Variants in C14orf39 observed in about 807,000 individuals in gnomAD.
C14orf39 encodes protein SIX6OS1.
Under a neutral mutation model 85.6 loss-of-function variants are expected in C14orf39, and 66 were observed. That is an observed-to-expected ratio of 0.77 (90% CI 0.63 to 0.95). C14orf39 has a LOEUF of 0.95. Among genes scored for constraint, C14orf39 ranks in the 40% least tolerant of loss-of-function variants. The pLI is 0.00. For missense variants in C14orf39, 735 were observed against 663.9 expected (o/e 1.11, Z -1.18); for synonymous variants, 242 against 214.0 (o/e 1.13, Z -1.14).
At chr14:60,471,121 T>C (rs1161542668) in intron 7 of C14orf39, among the ~76,000 whole-genome samples, 3 of 151,872 alleles carry the variant, frequency 2.0e-5, no homozygotes, top group Non-Finnish European at 4.4e-5. Context: ...GCAATTTAAC[T>C]GGAATTTTCT....
intron 2 of C14orf39, among the ~76,000 whole-genome samples, chr14:60,497,067 T>C (rs1357491871): frequency 2.0e-5 from 3 of 152,232 alleles, no homozygotes; most frequent in African/African-American, 7.2e-5. Context: ...ATCTTCATAT[T>C]ATACTAACTC....
At chr14:60,445,733 C>A (rs1479106486) in intron 16 of C14orf39, among the ~76,000 whole-genome samples, 2 of 152,214 alleles carry the variant, frequency 1.3e-5, no homozygotes, top group Admixed American at 6.5e-5. Flanking sequence ...CTACAGTACT[C>A]TCCAACCCAA....
At chr14:60,494,551 T>C (rs1893039024) in intron 2 of C14orf39, 1 of 152,290 alleles carries the variant, frequency 6.6e-6, no homozygotes, top group South Asian at 2.1e-4. Flanking sequence ...TGTATAAATA[T>C]TAACGGGAGA....
At chr14:60,507,156 C>T (rs1269340413) in intron 1 of C14orf39, among the ~76,000 whole-genome samples, 1 of 152,142 alleles carries the variant, frequency 6.6e-6, no homozygotes, top group African/African-American at 2.4e-5. Flanking sequence ...CAAGCAATTT[C>T]GCGAGCAATA....
chr14:60,505,988 C>T (rs1450316998), intron 1 of C14orf39, among the ~76,000 whole-genome samples: 1 of 152,204 alleles, frequency 6.6e-6, no homozygotes, highest in Non-Finnish European at 1.5e-5. Flanking sequence ...TCCCTGGGGG[C>T]ACTTTGCCTA....
chr14:60,497,286 C>G (rs1251941439), intron 2 of C14orf39, among the ~76,000 whole-genome samples: 1 of 152,172 alleles, frequency 6.6e-6, no homozygotes, highest in Non-Finnish European at 1.5e-5. Flanking sequence ...TGCACTTATC[C>G]TTCATAGCAA....
chr14:60,482,879 GGTGTGTGTGTGTGT>G (rs60206941), intron 4 of C14orf39, among the ~76,000 whole-genome samples: 1 of 146,640 alleles, frequency 6.8e-6, no homozygotes, highest in South Asian at 2.2e-4. Flanking sequence ...TATATAGACA[GGTGTGTGTGTGTGT>G]GTGTGTGTGT....
intron 4 of C14orf39, among the ~76,000 whole-genome samples, chr14:60,480,395 T>A (rs762844229): frequency 1.3e-5 from 2 of 152,014 alleles, no homozygotes; most frequent in Non-Finnish European, 2.9e-5. Context: ...GCCATTGCAC[T>A]CCAGCCTGGG....
chr14:60,489,817 ACAT>A (rs1169645336), upstream of C14orf39, among the ~76,000 whole-genome samples: 1 of 152,226 alleles, frequency 6.6e-6, no homozygotes, highest in Non-Finnish European at 1.5e-5. Flanking sequence ...TTATGAGTCA[ACAT>A]CATATTTCTC....
chr14:60,505,438 G>A (rs558364350), intron 1 of C14orf39, among the ~76,000 whole-genome samples: 4 of 152,078 alleles, frequency 2.6e-5, no homozygotes, highest in Non-Finnish European at 4.4e-5. Context: ...TTTCAAACTC[G>A]GAAAAATGCC....
At chr14:60,509,055 C>G (rs914860925) in intron 1 of C14orf39, 5 of 377,720 alleles carry the variant, frequency 1.3e-5, no homozygotes, top group Middle Eastern at 7.9e-4. Flanking sequence ...TGAAATAGTC[C>G]TGGCGTGCTG....
At chr14:60,437,103 A>G in intron 17 of C14orf39, 56 bp from the exon 18 acceptor site, 3 of 1,183,104 alleles carry the variant, frequency 2.5e-6, no homozygotes, top group Non-Finnish European at 3.6e-6. Context: ...AAATTTTTAT[A>G]ACCTACTGAA....
chr14:60,501,277 T>C (rs1433423836), intron 1 of C14orf39, among the ~76,000 whole-genome samples: 1 of 126,628 alleles, frequency 7.9e-6, no homozygotes, highest in African/African-American at 3.0e-5. Context: ...CTGCACTCCA[T>C]CCTGGGCAAC....
chr14:60,475,061 A>T (rs1892304057), intron 5 of C14orf39, among the ~76,000 whole-genome samples: 1 of 152,110 alleles, frequency 6.6e-6, no homozygotes, highest in African/African-American at 2.4e-5. Context: ...ACTATTAATT[A>T]TTTCCTCAAT....
intron 1 of C14orf39, among the ~76,000 whole-genome samples, chr14:60,513,032 C>G (rs56347340): frequency 6.6e-6 from 1 of 152,280 alleles, no homozygotes; most frequent in Non-Finnish European, 1.5e-5. Flanking sequence ...AGCAGCCAAA[C>G]GGCAAGATAG....
chr14:60,483,919 G>C, intron 3 of C14orf39, 102 bp from the exon 4 acceptor site: 3 of 759,170 alleles, frequency 4.0e-6, no homozygotes, highest in East Asian at 3.0e-5. Flanking sequence ...AAAAGGAAGA[G>C]AGCCAGAGAA....
intron 17 of C14orf39, among the ~76,000 whole-genome samples, chr14:60,439,574 G>A (rs1890411520): frequency 1.3e-5 from 2 of 152,158 alleles, no homozygotes; most frequent in Non-Finnish European, 2.9e-5. Flanking sequence ...TACCATCAGG[G>A]ACGTCAGAAG....
chr14:60,485,679 G>A (rs1004314062), intron 1 of C14orf39, among the ~76,000 whole-genome samples: 1 of 152,098 alleles, frequency 6.6e-6, no homozygotes, highest in Non-Finnish European at 1.5e-5. Context: ...CACAGCCCGT[G>A]CGCCTCCCGC....
intron 2 of C14orf39, among the ~76,000 whole-genome samples, chr14:60,497,138 C>T (rs557740985): frequency 1.6e-4 from 25 of 152,242 alleles, no homozygotes; most frequent in South Asian, 8.3e-4. Flanking sequence ...CTCTTTCCAT[C>T]AGGGGGATAT....
Sources: gnomAD v4.1 joint callset for allele counts (sites outside exome capture counted in the v4.1 genomes callset) on GRCh38, gnomAD v4.1.1 for gene constraint, MANE v1.5 for transcripts, NCBI Gene and HGNC (gene_info 2026-07-23, HGNC 2026-07-21) for gene names.